GRIN2A: variants seen among roughly 807,000 people sequenced by gnomAD.
GRIN2A encodes the protein glutamate ionotropic receptor NMDA type subunit 2A.
A neutral mutation model predicts 113.4 loss-of-function variants in GRIN2A; 22 were observed. That is an observed-to-expected ratio of 0.19 (90% CI 0.14 to 0.28). GRIN2A has a LOEUF of 0.28. Ranked by LOEUF, GRIN2A falls within the 10% of genes least tolerant of loss-of-function variation. GRIN2A has a pLI of 1.00. For synonymous variants in GRIN2A, 827 were observed against 738.4 expected (o/e 1.12, Z -1.94); for missense variants, 1,502 against 1,887.0 (o/e 0.80, Z 3.78).
At chr16:9,908,031 T>G (rs1048036597) in intron 3 of GRIN2A, among the ~76,000 whole-genome samples, 1 of 152,150 alleles carries the variant, frequency 6.6e-6, no homozygotes, top group African/African-American at 2.4e-5. Flanking sequence ...CTGAGCAGCG[T>G]TGAGAATGTC....
At chr16:9,959,875 A>G (rs1166388252) in intron 2 of GRIN2A, among the ~76,000 whole-genome samples, 1 of 152,220 alleles carries the variant, frequency 6.6e-6, no homozygotes, top group African/African-American at 2.4e-5. Flanking sequence ...TCAGAGGATG[A>G]AGCAACAGAA....
At position 10,180,415 on chromosome 16, in the gene GRIN2A, C is replaced by T. The variant is rs760642357; in HGVS notation, c.-4G>A. The T allele has an allele frequency of 2.5e-6, 4 of 1,604,138 alleles. No homozygotes were observed. Among genetic ancestry groups the T allele is most frequent in the Non-Finnish European group, 3.4e-6 (4 of 1,179,530 alleles). On this transcript the variant is annotated 5_prime_UTR_variant, in exon 2 of 13. Coordinates refer to ENST00000330684, the MANE Select transcript of GRIN2A (RefSeq NM_001134407.3). The surrounding 1 kb of genome is among the most constrained non-coding windows in gnomAD (Gnocchi z 7.0). ...TCCAATAGCCCACTCTGCCCATAGTCGCCACTGACGGTCCCTGCAAGGTGA... is the reference window on the plus strand; with the variant it reads ...TCCAATAGCCCACTCTGCCCATAGTTGCCACTGACGGTCCCTGCAAGGTGA...
intron 2 of GRIN2A, among the ~76,000 whole-genome samples, chr16:10,099,179 T>C (rs899368580): frequency 1.3e-5 from 2 of 152,172 alleles, no homozygotes; most frequent in African/African-American, 4.8e-5. Flanking sequence ...ACAAAGGGCA[T>C]CATTATGAGT....
At chr16:10,039,116 C>T (rs2047092856) in intron 2 of GRIN2A, among the ~76,000 whole-genome samples, 1 of 152,098 alleles carries the variant, frequency 6.6e-6, no homozygotes, top group Non-Finnish European at 1.5e-5. Flanking sequence ...CGGCAGGGAG[C>T]AGACATCCCC....
chr16:9,792,950 G>A (rs961773575), intron 11 of GRIN2A, among the ~76,000 whole-genome samples: 1 of 152,188 alleles, frequency 6.6e-6, no homozygotes, highest in African/African-American at 2.4e-5. Flanking sequence ...TTGTCCATTG[G>A]CTGGTAGCCT....
At chr16:10,049,307 A>G (rs1293503695) in intron 2 of GRIN2A, among the ~76,000 whole-genome samples, 1 of 152,138 alleles carries the variant, frequency 6.6e-6, no homozygotes, top group Non-Finnish European at 1.5e-5. Context: ...TGTGCTAAGC[A>G]TTTTAGACTC....
intron 2 of GRIN2A, among the ~76,000 whole-genome samples, chr16:10,146,897 C>T (rs140814181): frequency 2.0e-5 from 3 of 152,056 alleles, no homozygotes; most frequent in East Asian, 1.9e-4. Context: ...GCATGAGAAA[C>T]GTCAGCTAAA....
chr16:10,086,221 G>C (rs2048082810), intron 2 of GRIN2A, among the ~76,000 whole-genome samples: 1 of 152,146 alleles, frequency 6.6e-6, no homozygotes, highest in African/African-American at 2.4e-5. Flanking sequence ...AAAGTGCATT[G>C]TTGGTGGTCC....
At chr16:9,919,231 G>T (rs1226094879) in intron 3 of GRIN2A, among the ~76,000 whole-genome samples, 1 of 152,152 alleles carries the variant, frequency 6.6e-6, no homozygotes, top group Non-Finnish European at 1.5e-5. Flanking sequence ...TTCAGATAAA[G>T]TCAGATCATG....
intron 12 of GRIN2A, among the ~76,000 whole-genome samples, chr16:9,767,947 A>G (rs141695440): frequency 2.0e-5 from 3 of 152,382 alleles, no homozygotes; most frequent in African/African-American, 4.8e-5. Context: ...AAATTGTAAC[A>G]TCTTGCATAG....
intron 11 of GRIN2A, among the ~76,000 whole-genome samples, chr16:9,784,976 C>CTT (rs768305029): frequency 6.6e-6 from 1 of 152,056 alleles, no homozygotes; most frequent in Non-Finnish European, 1.5e-5. Context: ...AATAGGAACA[C>CTT]TTACACTGTT....
chr16:10,097,814 A>C (rs759765789), intron 2 of GRIN2A, among the ~76,000 whole-genome samples: 3 of 152,222 alleles, frequency 2.0e-5, no homozygotes, highest in Non-Finnish European at 4.4e-5. Context: ...AAGGACTTAA[A>C]TCTAAGACCT....
chr16:9,885,364 C>G (rs2043567643), intron 4 of GRIN2A, among the ~76,000 whole-genome samples: 1 of 152,120 alleles, frequency 6.6e-6, no homozygotes, highest in Non-Finnish European at 1.5e-5. Flanking sequence ...TTGGACTCAT[C>G]AAACTCTAAG....
At chr16:10,135,995 C>G (rs1464680382) in intron 2 of GRIN2A, among the ~76,000 whole-genome samples, 1 of 152,196 alleles carries the variant, frequency 6.6e-6, no homozygotes, top group Non-Finnish European at 1.5e-5. Flanking sequence ...AAGACAGCTT[C>G]TCACGCATTC....
intron 2 of GRIN2A, among the ~76,000 whole-genome samples, chr16:9,939,080 C>T (rs781125971): frequency 1.4e-4 from 21 of 152,152 alleles, no homozygotes; most frequent in South Asian, 2.1e-4. Context: ...CTTGAACATA[C>T]GGCTCCCACA....
chr16:10,138,539 A>G (rs2049251652), intron 2 of GRIN2A, among the ~76,000 whole-genome samples: 1 of 152,118 alleles, frequency 6.6e-6, no homozygotes, highest in Non-Finnish European at 1.5e-5. Context: ...AGCAAGGGGA[A>G]AATCCGCCCC....
chr16:9,822,246 G>A lies in GRIN2A; in HGVS notation c.2168+18C>T, dbSNP rs776563526. 1 of 1,613,186 alleles carries A rather than the reference G, an allele frequency of 6.2e-7. No individual in the cohort carries two copies. The highest frequency in any genetic ancestry group is 1.1e-5 in the South Asian group (1 of 91,062). ...ATCGCTCGCAGACCTGTGGTGAAAA[G>A]GAAACTGCCATCCTTACCCCGTTTT... On this transcript the variant is annotated intron_variant, in intron 10 of 12. Transcript: ENST00000330684.
At chr16:9,969,340 C>T (rs1019218618) in intron 2 of GRIN2A, among the ~76,000 whole-genome samples, 5 of 152,170 alleles carry the variant, frequency 3.3e-5, no homozygotes, top group African/African-American at 1.2e-4. Context: ...CCCTATCATT[C>T]CTTCTTAGAT....
At chr16:9,825,627 A>G (rs1424899481) in intron 9 of GRIN2A, among the ~76,000 whole-genome samples, 1 of 152,160 alleles carries the variant, frequency 6.6e-6, no homozygotes, top group Admixed American at 6.6e-5. Context: ...GCCTGTAAAT[A>G]AGGGACATCT....
Sources: gnomAD v4.1 joint callset for allele counts (sites outside exome capture counted in the v4.1 genomes callset) on GRCh38, gnomAD v4.1.1 for gene constraint, Gnocchi (gnomAD v3.1) non-coding constraint, MANE v1.5 for transcripts, NCBI Gene and HGNC (gene_info 2026-07-23, HGNC 2026-07-21) for gene names.